Variants in SLC16A12 observed in about 807,000 individuals in gnomAD.
SLC16A12 encodes the protein solute carrier family 16 member 12.
A neutral mutation model predicts 42.4 loss-of-function variants in SLC16A12; 17 were observed. That is an observed-to-expected ratio of 0.40 (90% confidence interval 0.27 to 0.60). The LOEUF is 0.60. Among genes scored for constraint, SLC16A12 ranks in the 20% least tolerant of loss-of-function variants. The probability of loss-of-function intolerance (pLI) is 0.42; values close to 1 mark genes in which losing one functional copy is unlikely to be tolerated. For missense variants in SLC16A12, 544 were observed against 623.0 expected (o/e 0.87, Z 1.35); for synonymous variants, 224 against 229.4 (o/e 0.98, Z 0.21).
At chr10:89,438,421 G>C (rs2133686314) in intron 6 of SLC16A12, among the ~76,000 whole-genome samples, 183 bp downstream of exon 6, 1 of 152,316 alleles carries the variant, frequency 6.6e-6, no homozygotes, top group South Asian at 2.1e-4. Context: ...TTTACTATCT[G>C]TTCCTTTACA....
intron 3 of SLC16A12, among the ~76,000 whole-genome samples, chr10:89,451,041 C>G (rs1300302349): frequency 6.6e-6 from 1 of 152,128 alleles, no homozygotes; most frequent in Non-Finnish European, 1.5e-5. Context: ...TTGGAAAAGC[C>G]TTATATGGAT....
intron 2 of SLC16A12, among the ~76,000 whole-genome samples, chr10:89,503,172 T>C (rs925742085): frequency 6.6e-6 from 1 of 152,236 alleles, no homozygotes; most frequent in Non-Finnish European, 1.5e-5. Context: ...GAGTCACTTA[T>C]TCCTCACATA....
At chr10:89,514,372 C>T (rs953056253) in intron 2 of SLC16A12, among the ~76,000 whole-genome samples, 1 of 152,208 alleles carries the variant, frequency 6.6e-6, no homozygotes, top group Admixed American at 6.5e-5. Flanking sequence ...TTAGCTCAGG[C>T]TGCTATAACA....
At position 89,486,746 on chromosome 10, in the gene SLC16A12, A is replaced by G. The variant is rs141193677; in HGVS notation, c.-46-24122T>C. ...AGAGAAAAACGAAATAAGTAGAAAT[A>G]AGTATAGAAATAAAGACTAGGAAAT... On this transcript the variant is annotated intron_variant, in intron 2 of 7. Transcript: ENST00000371790. 3.7e-3 allele frequency among the ~76,000 whole-genome samples: 565 copies of G among 152,024 alleles called. 2 individuals are homozygous for G. Among genetic ancestry groups the G allele is most frequent in the Non-Finnish European group, 6.6e-3 (450 of 67,958 alleles).
intron 1 of SLC16A12, 25 bp from the exon 2 acceptor site, chr10:89,534,665 A>AT (rs1843620703): frequency 6.7e-6 from 1 of 148,504 alleles, no homozygotes; most frequent in Non-Finnish European, 1.5e-5. Context: ...AAAAAAAAAA[A>AT]AAAAAATCCA....
intron 2 of SLC16A12, among the ~76,000 whole-genome samples, chr10:89,470,900 C>T (rs10887966): frequency 0.039 from 5,028 of 128,288 alleles, 256 homozygotes; most frequent in African/African-American, 0.13. Context: ...TGCTAACCAC[C>T]TCCCCCACCA....
At chr10:89,447,471 C>T (rs1842024014) in intron 3 of SLC16A12, among the ~76,000 whole-genome samples, 1 of 152,212 alleles carries the variant, frequency 6.6e-6, no homozygotes, top group African/African-American at 2.4e-5. Flanking sequence ...AACCACTCAA[C>T]TACATGGAAA....
intron 2 of SLC16A12, among the ~76,000 whole-genome samples, chr10:89,506,077 G>A (rs1483191988): frequency 6.6e-6 from 1 of 152,208 alleles, no homozygotes; most frequent in South Asian, 2.1e-4. Context: ...GCCCCACTCA[G>A]GGACTTATAG....
In SLC16A12 at chr10:89,462,487, A is replaced by T; in HGVS notation, c.92T>A (p.Met31Lys). Residue 31 changes from methionine to lysine, a missense_variant, in exon 3 of 8, where the codon ATG (methionine) becomes AAG (lysine). Transcript: ENST00000371790. ...AGACCGAGCTCTATTTACTTTTGCC[A>T]TGGTTTTTCTTTTTTCTTCTTTTCC... ...QPGKEEKRKT[M>K]AKVNRARSTS... The T allele has an allele frequency of 6.2e-7, 1 of 1,613,990 alleles. No homozygotes were observed. The highest frequency in any genetic ancestry group is 8.5e-7 in the Non-Finnish European group (1 of 1,179,934).
At position 89,482,651 on chromosome 10, in the gene SLC16A12, G is replaced by C. The variant is rs149277088; in HGVS notation, c.-46-20027C>G. On this transcript the variant is annotated intron_variant, in intron 2 of 7. Coordinates refer to ENST00000371790, the MANE Select transcript of SLC16A12 (RefSeq NM_213606.4). Reference sequence around the variant, plus strand: ...CAAAAAAAAATTCCCAGGCACAGTGGCGTGGGCCTGTAGTCCCAGCTACTA... The same window carrying C: ...CAAAAAAAAATTCCCAGGCACAGTGCCGTGGGCCTGTAGTCCCAGCTACTA... 2.6e-3 allele frequency among the ~76,000 whole-genome samples: 403 copies of C among 152,180 alleles called. 4 individuals are homozygous for C. Among genetic ancestry groups the C allele is most frequent in the African/African-American group, 9.2e-3 (383 of 41,514 alleles).
intron 2 of SLC16A12, among the ~76,000 whole-genome samples, chr10:89,508,903 A>G (rs1018430187): frequency 1.3e-5 from 2 of 152,214 alleles, no homozygotes; most frequent in African/African-American, 4.8e-5. Context: ...GGATGTCACC[A>G]CCAATTTCTG....
At chr10:89,554,060 GAAA>G (rs1843788634) in intron 2 of SLC16A12, among the ~76,000 whole-genome samples, 1 of 88,056 alleles carries the variant, frequency 1.1e-5, no homozygotes, top group African/African-American at 4.7e-5. Context: ...AAGAAAGAAA[GAAA>G]GAAAGAAAGA....
Position 89,433,285 on chromosome 10 carries a change from G to A in SLC16A12, c.1330C>T (p.Leu444Phe), listed in dbSNP as rs182434308. ...AATATCATTGAAAATCCACAGAGGAGGAATGCTGCAGTGTAGCTGCCGGTG... is the reference window on the plus strand; with the variant it reads ...AATATCATTGAAAATCCACAGAGGAAGAATGCTGCAGTGTAGCTGCCGGTG... ...DTTGSYTAAF[L>F]LCGFSMIFSS... The change falls in exon 8 of 8, where the codon CTC becomes TTC. Residue 444 changes from leucine (L) to phenylalanine (F), a missense_variant. Coordinates refer to ENST00000371790, the MANE Select transcript of SLC16A12 (RefSeq NM_213606.4). 1 of 1,614,156 alleles carries A rather than the reference G, an allele frequency of 6.2e-7. No individual in the cohort carries two copies. Among genetic ancestry groups the A allele is most frequent in the African/African-American group, 1.3e-5 (1 of 75,040 alleles).
chr10:89,487,744 A>C (rs1286685591), intron 2 of SLC16A12, among the ~76,000 whole-genome samples: 1 of 145,610 alleles, frequency 6.9e-6, no homozygotes, highest in African/African-American at 2.5e-5. Flanking sequence ...CCTGGGAGGC[A>C]GAGTTTGCTG....
At chr10:89,441,003 T>G in intron 5 of SLC16A12, 105 bp downstream of exon 5, 1 of 1,423,296 alleles carries the variant, frequency 7.0e-7, no homozygotes, top group Non-Finnish European at 9.8e-7. Context: ...GTCAACTAAA[T>G]TATGCATCTA....
chr10:89,443,912 G>A (rs113079093), intron 3 of SLC16A12, 53 bp from the exon 4 acceptor site: 9 of 1,149,308 alleles, frequency 7.8e-6, no homozygotes, highest in African/African-American at 7.6e-5. Flanking sequence ...GCATGCATTT[G>A]AGCCAGAACT....
At chr10:89,551,938 T>C (rs980422305) in intron 2 of SLC16A12, among the ~76,000 whole-genome samples, 1 of 152,200 alleles carries the variant, frequency 6.6e-6, no homozygotes. Context: ...ATTTATTTAT[T>C]TATTTTTAAT....
chr10:89,468,958 C>T (rs930353392), intron 2 of SLC16A12, among the ~76,000 whole-genome samples: 2 of 152,086 alleles, frequency 1.3e-5, no homozygotes, highest in Non-Finnish European at 2.9e-5. Flanking sequence ...GGCGAAATCC[C>T]ATTTCTATAA....
chr10:89,482,882 A>G (rs1589695480), intron 2 of SLC16A12, among the ~76,000 whole-genome samples: 3 of 152,186 alleles, frequency 2.0e-5, no homozygotes, highest in Admixed American at 2.0e-4. Context: ...AAGGAAACAC[A>G]TCAATATGCC....
Sources: gnomAD v4.1 joint callset for allele counts (sites outside exome capture counted in the v4.1 genomes callset) on GRCh38, gnomAD v4.1.1 for gene constraint, MANE v1.5 for transcripts, NCBI Gene and HGNC (gene_info 2026-07-23, HGNC 2026-07-21) for gene names.